The following EYA3 variants were observed in gnomAD, a reference collection of about 807,000 sequenced individuals.
EYA3 encodes protein phosphatase EYA3.
EYA3 carries 39 observed loss-of-function variants against 80.0 expected under a neutral mutation model. The observed-to-expected ratio is 0.49, with a 90% CI of 0.38 to 0.64. The LOEUF (loss-of-function observed/expected upper bound fraction) is 0.64, where lower values mean the gene tolerates loss of function less well. Ranked by LOEUF, EYA3 falls within the 30% of genes least tolerant of loss-of-function variation. The pLI, the probability that EYA3 is intolerant of heterozygous loss-of-function variation, is 0.00. For synonymous variants in EYA3, 206 were observed against 232.8 expected (o/e 0.88, Z 1.05); for missense variants, 523 against 676.1 (o/e 0.77, Z 2.51).
intron 1 of EYA3, among the ~76,000 whole-genome samples, chr1:28,065,529 G>A (rs1236171305): frequency 6.6e-6 from 1 of 151,676 alleles, no homozygotes; most frequent in Non-Finnish European, 1.5e-5. Flanking sequence ...CCAAAGTGCT[G>A]GGATTACAGG....
intron 3 of EYA3, among the ~76,000 whole-genome samples, chr1:28,047,606 A>T (rs138668813): frequency 3.0e-4 from 45 of 151,762 alleles, no homozygotes; most frequent in African/African-American, 1.0e-3. Context: ...GAAGAAGCCA[A>T]ACTGTGAGGT....
chr1:28,047,635 T>G (rs1644065751), intron 3 of EYA3, among the ~76,000 whole-genome samples: 1 of 146,458 alleles, frequency 6.8e-6, no homozygotes, highest in Non-Finnish European at 1.5e-5. Context: ...GCTGCCTCTT[T>G]TCTCTTTTTT....
rs1357828741 is a variant in EYA3, at chr1:28,027,897, T to C, written c.391A>G (p.Ser131Gly). Residue 131 changes from serine to glycine, a missense_variant, in exon 7 of 18, where the codon AGT becomes GGT. By Grantham distance (56) the Ser-to-Gly change is moderately conservative. Coordinates refer to ENST00000373871, the MANE Select transcript of EYA3 (RefSeq NM_001990.4). ...GALWPGMKPE[S>G]GLIQTPSPSQ... Reference sequence around the variant, plus strand: ...GGAGATGGAGTCTGAATTAAACCACTTTCAGGTTTCATACCTGGCCACAAT... The same window carrying C: ...GGAGATGGAGTCTGAATTAAACCACCTTCAGGTTTCATACCTGGCCACAAT... 1.2e-6 allele frequency: 2 copies of C among 1,614,144 alleles called. No individual in the cohort carries two copies. Among genetic ancestry groups the C allele is most frequent in the South Asian group, 2.2e-5 (2 of 91,082 alleles).
rs757473934 is a variant in EYA3 at position 27,989,742 on chromosome 1, G to A, written c.1373C>T (p.Ser458Phe). 5 of 1,612,056 alleles carry A rather than the reference G, an allele frequency of 3.1e-6. No homozygotes were observed. The highest frequency in any genetic ancestry group is 4.2e-6 in the Non-Finnish European group (5 of 1,179,016). ...LRAEIEVLTD[S>F]WLGTALKSLL... ...GGACTTTAATGCAGTTCCTAACCAG[G>A]AATCTGTTAAAACTTCAATTTCTGC... The change falls in exon 15 of 18, where the codon TCC becomes TTC. Residue 458 changes from serine (S) to phenylalanine (F), a missense_variant. Ser to Phe is a radical substitution (Grantham distance 155). Transcript: ENST00000373871.
chr1:28,042,134 C>A (rs1295477499), intron 4 of EYA3, among the ~76,000 whole-genome samples: 2 of 152,114 alleles, frequency 1.3e-5, no homozygotes, highest in Non-Finnish European at 2.9e-5. Flanking sequence ...CTAGATGATT[C>A]TTATGTAGGC....
intron 10 of EYA3, among the ~76,000 whole-genome samples, chr1:28,008,260 C>A (rs1326603859): frequency 6.6e-6 from 1 of 151,824 alleles, no homozygotes; most frequent in South Asian, 2.1e-4. Context: ...TAAAGTTAGA[C>A]CATTATCTTA....
At chr1:28,049,744 G>T (rs1455276003) in intron 2 of EYA3, among the ~76,000 whole-genome samples, 1 of 152,092 alleles carries the variant, frequency 6.6e-6, no homozygotes, top group Non-Finnish European at 1.5e-5. Flanking sequence ...TGTTTTGCCT[G>T]GAAACTATAA....
intron 10 of EYA3, 143 bp from the exon 11 acceptor site, chr1:28,004,562 G>A (rs1414535133): frequency 3.6e-6 from 2 of 553,906 alleles, no homozygotes; most frequent in African/African-American, 1.9e-5. Context: ...ATGCGTCAAA[G>A]AAGAAATCAT....
chr1:28,067,277 C>T (rs565674402), intron 1 of EYA3, among the ~76,000 whole-genome samples: 5 of 152,232 alleles, frequency 3.3e-5, no homozygotes, highest in African/African-American at 9.6e-5. Flanking sequence ...AAACAAACAA[C>T]ATGTGAACAA....
At chr1:28,029,680 C>A (rs996301087) in intron 6 of EYA3, among the ~76,000 whole-genome samples, 8 of 151,180 alleles carry the variant, frequency 5.3e-5, no homozygotes, top group African/African-American at 1.9e-4. Context: ...ATTGCAATCT[C>A]CTCCTCCCGG....
intron 1 of EYA3, among the ~76,000 whole-genome samples, chr1:28,062,050 T>C (rs182553930): frequency 6.6e-6 from 1 of 152,278 alleles, no homozygotes; most frequent in East Asian, 1.9e-4. Flanking sequence ...TTAAAATAAA[T>C]TAAAACTTAG....
chr1:28,017,321 G>T, intron 7 of EYA3, 82 bp from the exon 8 acceptor site: 1 of 1,043,492 alleles, frequency 9.6e-7, no homozygotes, highest in Non-Finnish European at 1.4e-6. Flanking sequence ...TGTTTTAAGT[G>T]AACAGATTTA....
At chr1:28,042,519 A>G in intron 4 of EYA3, 52 bp downstream of exon 4, 2 of 1,486,942 alleles carry the variant, frequency 1.3e-6, no homozygotes, top group Non-Finnish European at 1.9e-6. Context: ...TAAGAAAAGC[A>G]TTACTAGTTA....
At chr1:28,022,004 T>G (rs1642470259) in intron 7 of EYA3, among the ~76,000 whole-genome samples, 1 of 152,182 alleles carries the variant, frequency 6.6e-6, no homozygotes, top group East Asian at 1.9e-4. Context: ...CAGTAGAAGC[T>G]GTACATATTT....
At chr1:28,060,823 G>C (rs1644594922) in intron 1 of EYA3, among the ~76,000 whole-genome samples, 1 of 152,152 alleles carries the variant, frequency 6.6e-6, no homozygotes, top group Non-Finnish European at 1.5e-5. Flanking sequence ...AGACCATCTT[G>C]GCCAAGATGG....
chr1:28,073,129 T>TATATATA, intron 1 of EYA3, among the ~76,000 whole-genome samples: 13 of 27,184 alleles, frequency 4.8e-4, no homozygotes, highest in African/African-American at 2.5e-3. Flanking sequence ...ATATATATAT[T>TATATATA]TTTTTTTTTT....
At chr1:27,977,245 G>A in intron 17 of EYA3, 1 of 1,535,100 alleles carries the variant, frequency 6.5e-7, no homozygotes, top group Non-Finnish European at 8.8e-7. Flanking sequence ...AGTGACAAAT[G>A]AAAACATGAG....
Position 28,000,050 on chromosome 1 carries a change from C to A in EYA3, c.994-1G>T. On this transcript the variant is annotated splice_acceptor_variant, in intron 11 of 17. Transcript: ENST00000373871. LOFTEE classifies it high-confidence loss of function. ...CTGAGCCAATCACTACTGTTGGGTC[C>A]TAGAAGACAATAAGAAAAAATCAGC... The A allele has an allele frequency of 6.3e-7, 1 of 1,595,158 alleles. No homozygotes were observed. Among genetic ancestry groups the A allele is most frequent in the Admixed American group, 1.8e-5 (1 of 56,722 alleles).
chr1:27,977,239 A>G (rs2148698769), intron 17 of EYA3: 1 of 1,533,320 alleles, frequency 6.5e-7, no homozygotes, highest in Non-Finnish European at 8.8e-7. Context: ...ACATAAAGTG[A>G]CAAATGAAAA....
Sources: gnomAD v4.1 joint callset for allele counts (sites outside exome capture counted in the v4.1 genomes callset) on GRCh38, gnomAD v4.1.1 for gene constraint, MANE v1.5 for transcripts, NCBI Gene and HGNC (gene_info 2026-07-23, HGNC 2026-07-21) for gene names.